Variants in CRACD observed in about 807,000 individuals in gnomAD.
CRACD encodes the protein capping protein inhibiting regulator of actin dynamics.
CRACD carries 56 observed loss-of-function variants against 106.8 expected under a neutral mutation model. The ratio of observed to expected loss-of-function variants is 0.52; its 90% CI spans 0.42 to 0.66. The LOEUF is 0.66. CRACD is among the 30% of genes least tolerant of loss of function. The pLI is 0.00. For missense variants in CRACD, 1,730 were observed against 1,623.2 expected, an observed-to-expected ratio of 1.07 and a Z score of -1.13; for synonymous variants, 754 against 670.8, an observed-to-expected ratio of 1.12 and a Z score of -1.92.
intron 7 of CRACD, among the ~76,000 whole-genome samples, chr4:56,313,798 CAAAT>C (rs745622179): frequency 5.9e-5 from 9 of 151,962 alleles, no homozygotes; most frequent in East Asian, 1.9e-4. Context: ...TAGGGAATGA[CAAAT>C]AAAGGAGCTG....
intron 2 of CRACD, among the ~76,000 whole-genome samples, chr4:56,213,904 C>T (rs1157435206): frequency 2.0e-5 from 3 of 152,146 alleles, no homozygotes; most frequent in Non-Finnish European, 2.9e-5. Flanking sequence ...AACTGAATGA[C>T]CAACTGAAAT....
chr4:56,291,527 C>T (rs1187643493), intron 3 of CRACD, among the ~76,000 whole-genome samples: 1 of 152,172 alleles, frequency 6.6e-6, no homozygotes, highest in African/African-American at 2.4e-5. Context: ...ATATTTTTAC[C>T]CACCTCAGCT....
At chr4:56,179,079 T>C (rs1736704098) in intron 1 of CRACD, among the ~76,000 whole-genome samples, 1 of 152,174 alleles carries the variant, frequency 6.6e-6, no homozygotes, top group African/African-American at 2.4e-5. Flanking sequence ...AAGTTAATAA[T>C]AAATGCTTTT....
Position 56,313,277 on chromosome 4 carries a change from C to A in CRACD, c.435C>A (p.Ile145=), listed in dbSNP as rs370938158. The A allele has an allele frequency of 4.3e-6, 7 of 1,614,048 alleles. No homozygotes were observed. In the African/African-American group the frequency reaches 6.7e-5, roughly 15 times the overall value. ...TCGAAAGTGTCAACTTAGATGCCAT[C>A]CCCCTGGCCATCGCTCGCCTGGACA... ...GTIESVNLDA[I]PLAIARLDNS... The change falls in exon 7 of 11, where the codon ATC becomes ATA. Residue 145 remains isoleucine (I), a synonymous_variant. Coordinates refer to ENST00000682029, the MANE Select transcript of CRACD (RefSeq NM_001393381.1).
intron 2 of CRACD, among the ~76,000 whole-genome samples, chr4:56,231,911 A>G (rs1474599063): frequency 6.6e-6 from 1 of 152,246 alleles, no homozygotes; most frequent in Non-Finnish European, 1.5e-5. Flanking sequence ...GGACCTTCCA[A>G]TGATTAAGTC....
At chr4:56,256,284 T>G (rs1344828311) in intron 2 of CRACD, among the ~76,000 whole-genome samples, 1 of 152,138 alleles carries the variant, frequency 6.6e-6, no homozygotes, top group African/African-American at 2.4e-5. Flanking sequence ...AAAGGGAGTT[T>G]CCCTGCACAA....
At position 56,181,369 on chromosome 4, in the gene CRACD, C is replaced by G. The variant is rs528128123; in HGVS notation, c.-189+1939C>G. On this transcript the variant is annotated intron_variant, in intron 2 of 10. Transcript: ENST00000682029. ...AGCCAGGAGCCAGTCAGTGCTGGAG[C>G]AGAGTGAGTGGGAGGGTTGATCCAC... 1.1e-4 allele frequency among the ~76,000 whole-genome samples: 16 copies of G among 152,226 alleles called. No individual in the cohort carries two copies. In the South Asian group the frequency reaches 2.9e-3, roughly 28 times the overall value.
chr4:56,204,693 G>C (rs887493303), intron 2 of CRACD, among the ~76,000 whole-genome samples: 4 of 152,138 alleles, frequency 2.6e-5, no homozygotes, highest in Non-Finnish European at 5.9e-5. Context: ...AGAAAGAAAA[G>C]AACTTAAAGA....
chr4:56,189,642 T>A (rs1234492926), intron 2 of CRACD, among the ~76,000 whole-genome samples: 1 of 145,866 alleles, frequency 6.9e-6, no homozygotes, highest in African/African-American at 2.5e-5. Context: ...AGTGAGAACA[T>A]GCGGTGTTTG....
chr4:56,074,582 T>C (rs377082895), intron 1 of CRACD, among the ~76,000 whole-genome samples: 1 of 152,196 alleles, frequency 6.6e-6, no homozygotes, highest in African/African-American at 2.4e-5. Context: ...TAAGGAGTTT[T>C]GGGGCTGAGA....
intron 1 of CRACD, among the ~76,000 whole-genome samples, chr4:56,152,835 T>C (rs1577696663): frequency 6.6e-6 from 1 of 152,368 alleles, no homozygotes; most frequent in Middle Eastern, 3.4e-3. Context: ...CTAAGTCATC[T>C]TCCCATGGGA....
At chr4:56,211,422 C>T (rs1738400575) in intron 2 of CRACD, among the ~76,000 whole-genome samples, 1 of 152,248 alleles carries the variant, frequency 6.6e-6, no homozygotes, top group Non-Finnish European at 1.5e-5. Context: ...TGTGCACCAG[C>T]TCAGCCCATG....
At chr4:56,147,107 T>C (rs149977402) in intron 1 of CRACD, among the ~76,000 whole-genome samples, 11 of 152,270 alleles carry the variant, frequency 7.2e-5, no homozygotes, top group African/African-American at 2.4e-4. Context: ...GGGCTAACTG[T>C]TCCCAACTCC....
At chr4:56,321,215 A>G in intron 8 of CRACD, 1 of 257,632 alleles carries the variant, frequency 3.9e-6, no homozygotes, top group Non-Finnish European at 7.8e-6. Context: ...CATTTTTGAG[A>G]AGTGTCAAGA....
intron 1 of CRACD, among the ~76,000 whole-genome samples, chr4:56,129,154 C>T (rs951922395): frequency 6.6e-6 from 1 of 152,166 alleles, no homozygotes; most frequent in African/African-American, 2.4e-5. Flanking sequence ...TGGCCTGCTG[C>T]AGCCTCAACC....
intron 2 of CRACD, among the ~76,000 whole-genome samples, chr4:56,219,108 C>A (rs1252465425): frequency 6.6e-6 from 1 of 152,180 alleles, no homozygotes; most frequent in African/African-American, 2.4e-5. Context: ...TAACTTGCCT[C>A]TTCCCCAACC....
At chr4:56,077,236 CAG>C (rs1732870115) in intron 1 of CRACD, among the ~76,000 whole-genome samples, 1 of 152,172 alleles carries the variant, frequency 6.6e-6, no homozygotes, top group Non-Finnish European at 1.5e-5. Context: ...AGGGTGGCAG[CAG>C]AGAGAATTAA....
At chr4:56,265,434 GTGTGTGTGTA>G (rs1741959640) in intron 2 of CRACD, among the ~76,000 whole-genome samples, 2 of 150,890 alleles carry the variant, frequency 1.3e-5, no homozygotes, top group Admixed American at 1.3e-4. Context: ...GTGTGTGTGT[GTGTGTGTGTA>G]TGAAATATAT....
At chr4:56,273,084 G>A (rs990811381) in intron 3 of CRACD, among the ~76,000 whole-genome samples, 3 of 152,082 alleles carry the variant, frequency 2.0e-5, no homozygotes, top group Non-Finnish European at 4.4e-5. Context: ...ACATTTCACT[G>A]GCTTGGCTCA....
Sources: gnomAD v4.1 joint callset for allele counts (sites outside exome capture counted in the v4.1 genomes callset) on GRCh38, gnomAD v4.1.1 for gene constraint, MANE v1.5 for transcripts, NCBI Gene and HGNC (gene_info 2026-07-23, HGNC 2026-07-21) for gene names.